Variants in MAP7D2 observed in about 807,000 individuals in gnomAD.
MAP7D2 encodes the protein MAP7 domain-containing protein 2.
In MAP7D2, 33 loss-of-function variants were observed where a neutral mutation model predicts 63.5. The observed-to-expected ratio is 0.52, with a 90% CI of 0.39 to 0.70. The LOEUF (loss-of-function observed/expected upper bound fraction) is 0.70, where lower values mean the gene tolerates loss of function less well. MAP7D2 is among the 30% of genes least tolerant of loss of function. The pLI is 0.00. For missense variants in MAP7D2, 626 were observed against 604.0 expected, an observed-to-expected ratio of 1.04 and a Z score of -0.38; for synonymous variants, 224 against 223.7, an observed-to-expected ratio of 1.00 and a Z score of -0.01.
chrX:20,097,068 C>T (rs924142199), intron 1 of MAP7D2, among the ~76,000 whole-genome samples: 1 of 111,545 alleles, frequency 9.0e-6, no homozygotes. Flanking sequence ...ACCCCCTAGA[C>T]CGGCACTGTC....
chrX:20,024,097 G>A (rs1372416025), intron 10 of MAP7D2, among the ~76,000 whole-genome samples: 1 of 111,988 alleles, frequency 8.9e-6, no homozygotes, highest in East Asian at 2.8e-4. Context: ...CCTGCTTCCT[G>A]TCATGATAAT....
At chrX:20,010,506 G>A (rs1278872737) in intron 16 of MAP7D2, among the ~76,000 whole-genome samples, 1 of 112,102 alleles carries the variant, frequency 8.9e-6, no homozygotes, top group Non-Finnish European at 1.9e-5. Context: ...GGCTGGACTG[G>A]TAGTCAAACC....
intron 1 of MAP7D2, among the ~76,000 whole-genome samples, chrX:20,111,105 T>C (rs1280241119): frequency 4.5e-5 from 5 of 111,525 alleles, no homozygotes; most frequent in Admixed American, 3.8e-4. Context: ...ACCTGGACAA[T>C]GAGAGACCAT....
intron 1 of MAP7D2, among the ~76,000 whole-genome samples, chrX:20,065,264 CTTTT>C (rs779399409): frequency 7.7e-5 from 7 of 91,433 alleles, no homozygotes; most frequent in African/African-American, 2.4e-4. Flanking sequence ...GAACATTTTA[CTTTT>C]TTTTTTTTTT....
intron 1 of MAP7D2, among the ~76,000 whole-genome samples, chrX:20,107,655 T>C (rs1381484135): frequency 9.0e-6 from 1 of 111,533 alleles, no homozygotes; most frequent in Non-Finnish European, 1.9e-5. Context: ...TGTATTATAT[T>C]AATTTCACCG....
intron 1 of MAP7D2, among the ~76,000 whole-genome samples, chrX:20,103,568 G>A (rs1464550030): frequency 8.9e-6 from 1 of 112,288 alleles, no homozygotes; most frequent in Non-Finnish European, 1.9e-5. Flanking sequence ...AACTTTGTTT[G>A]AGATCTGAAA....
At chrX:20,046,646 T>C (rs2064805592) in intron 6 of MAP7D2, among the ~76,000 whole-genome samples, 1 of 112,616 alleles carries the variant, frequency 8.9e-6, no homozygotes, top group African/African-American at 3.2e-5. Flanking sequence ...GATAAAATGA[T>C]CAAGATGAAA....
At chrX:20,054,490 A>G (rs932071636) in intron 4 of MAP7D2, among the ~76,000 whole-genome samples, 9 of 111,360 alleles carry the variant, frequency 8.1e-5, no homozygotes, top group Admixed American at 7.6e-4. Context: ...ACTCCCTTAA[A>G]TTGTATGCTC....
rs1191443939 is a variant in MAP7D2, at chrX:20,006,868, A to C, written c.*1557T>G. 8.9e-6 allele frequency: 1 copy of C among 112,084 alleles called. No homozygotes were observed. The highest frequency in any genetic ancestry group is 1.9e-5 in the Non-Finnish European group (1 of 53,248). 9.2% of individuals were successfully genotyped at this position (112,084 alleles called of 1,213,427 possible). A position where few individuals can be genotyped will look rare whatever the true frequency, so the allele number is the denominator to read the frequency against. ...AAATAAAACGCTAGCAAGTCATCAG[A>C]CTCTTCAATGAAAATGTATTTCACA... On this transcript the variant is annotated 3_prime_UTR_variant, in exon 17 of 17. Coordinates refer to ENST00000379643, the MANE Select transcript of MAP7D2 (RefSeq NM_001168465.2).
intron 1 of MAP7D2, among the ~76,000 whole-genome samples, chrX:20,103,019 CTT>C (rs1480719765): frequency 9.0e-6 from 1 of 111,069 alleles, no homozygotes; most frequent in Non-Finnish European, 1.9e-5. Context: ...AGAGCTGAGA[CTT>C]ATCCATTTTA....
intron 10 of MAP7D2, among the ~76,000 whole-genome samples, chrX:20,016,802 T>C (rs1172814969): frequency 8.9e-6 from 1 of 112,204 alleles, no homozygotes; most frequent in Non-Finnish European, 1.9e-5. Flanking sequence ...ACCAATTTGG[T>C]TCTAATTGGT....
chrX:20,047,158 T>C (rs1014211128), intron 6 of MAP7D2, among the ~76,000 whole-genome samples: 1 of 112,197 alleles, frequency 8.9e-6, no homozygotes, highest in Admixed American at 9.4e-5. Context: ...TTGGGACTGA[T>C]GGCCTCAGGC....
chrX:20,018,367 C>A, intron 10 of MAP7D2, among the ~76,000 whole-genome samples: 1 of 109,632 alleles, frequency 9.1e-6, no homozygotes, highest in Non-Finnish European at 1.9e-5. Context: ...TCATTATCAC[C>A]CAAAATATAA....
intron 1 of MAP7D2, among the ~76,000 whole-genome samples, chrX:20,086,357 G>A (rs768421051): frequency 9.8e-5 from 11 of 111,886 alleles, no homozygotes; most frequent in Non-Finnish European, 1.7e-4. Context: ...TCAGCTACAC[G>A]GTCCCATTTC....
chrX:20,109,259 C>A (rs1284928024), intron 1 of MAP7D2, among the ~76,000 whole-genome samples: 1 of 109,898 alleles, frequency 9.1e-6, no homozygotes, highest in Non-Finnish European at 1.9e-5. Context: ...TGGTGGCTCA[C>A]GCCTATAATC....
At chrX:20,116,521 A>G in intron 1 of MAP7D2, 1 of 882,708 alleles carries the variant, frequency 1.1e-6, no homozygotes, top group Non-Finnish European at 1.4e-6. Flanking sequence ...CCCCATGTGT[A>G]CCCACTCACC....
chrX:20,041,548 A>G (rs1404464652), intron 8 of MAP7D2, among the ~76,000 whole-genome samples: 2 of 112,347 alleles, frequency 1.8e-5, no homozygotes, highest in Non-Finnish European at 3.8e-5. Context: ...TCATCTTTAA[A>G]TATTTTTGAC....
chrX:20,082,084 C>T (rs899443032), intron 1 of MAP7D2, among the ~76,000 whole-genome samples: 4 of 112,245 alleles, frequency 3.6e-5, no homozygotes, highest in African/African-American at 1.3e-4. Flanking sequence ...ACCACTGAGT[C>T]CAGAGGCCAC....
chrX:20,116,749 C>T lies in MAP7D2; in HGVS notation c.130+1G>A. ...CGCCCGCCACACTCTGGGGATAATA[C>T]CTTGAGGCCGGTAGTTGGGCTGAGA... On this transcript the variant is annotated splice_donor_variant, in intron 1 of 16. Transcript: ENST00000379643. LOFTEE classifies it high-confidence loss of function. The T allele has an allele frequency of 1.7e-6, 2 of 1,177,315 alleles. No homozygotes were observed. Among genetic ancestry groups the T allele is most frequent in the Non-Finnish European group, 2.3e-6 (2 of 879,480 alleles).
Sources: allele counts gnomAD v4.1 joint callset (sites outside exome capture counted in the v4.1 genomes callset), GRCh38; gene constraint gnomAD v4.1.1; transcripts MANE v1.5; gene names NCBI Gene and HGNC (gene_info 2026-07-23, HGNC 2026-07-21).